Variants in STRIP2 observed in about 807,000 individuals in gnomAD.
The protein encoded by STRIP2 is striatin interacting protein 2.
Under a neutral mutation model 107.1 loss-of-function variants are expected in STRIP2, and 84 were observed. The ratio of observed to expected loss-of-function variants is 0.78; its 90% CI spans 0.66 to 0.94. The LOEUF (loss-of-function observed/expected upper bound fraction) is 0.94, where lower values mean the gene tolerates loss of function less well. Ranked by LOEUF, STRIP2 falls within the 40% of genes least tolerant of loss-of-function variation. STRIP2 has a pLI of 0.00. For synonymous variants in STRIP2, 394 were observed against 400.4 expected (o/e 0.98, Z 0.19); for missense variants, 888 against 1,034.2 (o/e 0.86, Z 1.94).
intron 3 of STRIP2, among the ~76,000 whole-genome samples, chr7:129,446,563 G>T (rs1314405845): frequency 6.6e-6 from 1 of 152,172 alleles, no homozygotes; most frequent in Non-Finnish European, 1.5e-5. Context: ...CCTAGAAAGG[G>T]GCTGTAGTGC....
intron 15 of STRIP2, 91 bp from the exon 16 acceptor site, chr7:129,464,521 G>T: frequency 1.4e-6 from 2 of 1,420,126 alleles, no homozygotes; most frequent in Non-Finnish European, 1.9e-6. Flanking sequence ...TGGCTCTCTT[G>T]TGTATATTGT....
chr7:129,442,718 T>C (rs760162033), intron 2 of STRIP2, among the ~76,000 whole-genome samples: 2 of 152,226 alleles, frequency 1.3e-5, no homozygotes, highest in African/African-American at 2.4e-5. Flanking sequence ...GATTCAGTGA[T>C]GGGATTTGCT....
chr7:129,450,971 C>T (rs1798173271), intron 3 of STRIP2, among the ~76,000 whole-genome samples: 1 of 123,616 alleles, frequency 8.1e-6, no homozygotes, highest in South Asian at 2.7e-4. Flanking sequence ...GAGTCTCGCT[C>T]TGTCGCCCAG....
intron 3 of STRIP2, among the ~76,000 whole-genome samples, chr7:129,448,933 C>A (rs1798109118): frequency 6.6e-6 from 1 of 152,174 alleles, no homozygotes; most frequent in African/African-American, 2.4e-5. Context: ...ATCTGCTGGA[C>A]CCTCCCAGCT....
At chr7:129,469,949 T>A (rs1334188078) in intron 17 of STRIP2, among the ~76,000 whole-genome samples, 10 of 152,194 alleles carry the variant, frequency 6.6e-5, no homozygotes, top group Admixed American at 6.5e-4. Flanking sequence ...ATTGTGTCAG[T>A]GAAGAAGGGA....
At position 129,462,981 on chromosome 7, in the gene STRIP2, C is replaced by A. The variant is rs757578630; in HGVS notation, c.1492C>A (p.Pro498Thr). ...CPMSLGEEVV[P>T]ETPCEILYQG... ...CTTGCCATAGGGGGAAGAGGTGGTACCAGAGACGCCATGTGAAATCCTCTA... is the reference window on the plus strand; with the variant it reads ...CTTGCCATAGGGGGAAGAGGTGGTAACAGAGACGCCATGTGAAATCCTCTA... The change falls in exon 14 of 21, where the codon CCA becomes ACA. Residue 498 changes from proline (P) to threonine (T), a missense_variant. Physicochemically the swap from Pro to Thr is conservative, Grantham distance 38. Coordinates refer to ENST00000249344, the MANE Select transcript of STRIP2 (RefSeq NM_020704.3). 46 of 1,613,812 alleles carry A rather than the reference C, an allele frequency of 2.9e-5. No individual in the cohort carries two copies. Among genetic ancestry groups the A allele is most frequent in the Non-Finnish European group, 3.7e-5 (44 of 1,179,880 alleles).
chr7:129,463,238 T>C (rs1798589165), intron 14 of STRIP2, among the ~76,000 whole-genome samples, 198 bp downstream of exon 14: 1 of 152,258 alleles, frequency 6.6e-6, no homozygotes, highest in African/African-American at 2.4e-5. Context: ...TAGTCCTTCT[T>C]TGGGAAGGGT....
chr7:129,458,599 T>C lies in STRIP2; in HGVS notation c.1275-113T>C. Reference sequence around the variant, plus strand: ...AAATTCCTTCTGTTGATTGCTGCCTTTTTCCACTGCTCCAGTCCTCTGATT... The same window carrying C: ...AAATTCCTTCTGTTGATTGCTGCCTCTTTCCACTGCTCCAGTCCTCTGATT... On this transcript the variant is annotated intron_variant, in intron 10 of 20. Transcript: ENST00000249344. The surrounding 1 kb of genome is among the most constrained non-coding windows in gnomAD (Gnocchi z 4.6). 7.4e-7 allele frequency: 1 copy of C among 1,343,652 alleles called. No individual in the cohort carries two copies. Among genetic ancestry groups the C allele is most frequent in the Non-Finnish European group, 1.0e-6 (1 of 958,426 alleles). 83.2% of individuals were successfully genotyped at this position (1,343,652 alleles called of 1,614,324 possible).
intron 15 of STRIP2, among the ~76,000 whole-genome samples, 161 bp from the exon 16 acceptor site, chr7:129,464,451 G>A (rs1798621600): frequency 6.6e-6 from 1 of 152,012 alleles, no homozygotes. Flanking sequence ...TCTTCAGATA[G>A]GCTCATAAGT....
intron 18 of STRIP2, among the ~76,000 whole-genome samples, chr7:129,474,623 C>T (rs1798871559): frequency 6.6e-6 from 1 of 152,154 alleles, no homozygotes; most frequent in African/African-American, 2.4e-5. Flanking sequence ...GATTCTCCTG[C>T]CTCAACCTCC....
At chr7:129,436,302 G>A (rs1645248655) in intron 1 of STRIP2, among the ~76,000 whole-genome samples, 1 of 152,144 alleles carries the variant, frequency 6.6e-6, no homozygotes, top group Admixed American at 6.5e-5. Flanking sequence ...TATGTTCTAT[G>A]GGGGGAATAA....
chr7:129,443,342 G>A (rs575011001), intron 2 of STRIP2, among the ~76,000 whole-genome samples: 83 of 152,148 alleles, frequency 5.5e-4, no homozygotes, highest in Admixed American at 1.3e-3. Flanking sequence ...GCCATCACAC[G>A]TGGCTGGCAT....
chr7:129,439,229 CTTCTA>C (rs1469465702), intron 1 of STRIP2, among the ~76,000 whole-genome samples: 1 of 152,140 alleles, frequency 6.6e-6, no homozygotes, highest in African/African-American at 2.4e-5. Flanking sequence ...CACTCAGGAA[CTTCTA>C]AGAGTTTCAG....
At chr7:129,470,546 G>T (rs1365666549) in intron 17 of STRIP2, 103 bp from the exon 18 acceptor site, 2 of 953,466 alleles carry the variant, frequency 2.1e-6, no homozygotes, top group Non-Finnish European at 1.7e-6. Flanking sequence ...TTGGGAAATG[G>T]ATAGGGGCTG....
intron 18 of STRIP2, among the ~76,000 whole-genome samples, chr7:129,477,193 A>AGGGGG (rs1562917326): frequency 4.2e-5 from 1 of 23,532 alleles, no homozygotes; most frequent in Non-Finnish European, 7.5e-5. Flanking sequence ...CCGTGGGGAG[A>AGGGGG]GGGAGGGGGA....
At chr7:129,442,799 AT>A (rs1359341066) in intron 2 of STRIP2, among the ~76,000 whole-genome samples, 1 of 152,222 alleles carries the variant, frequency 6.6e-6, no homozygotes, top group Non-Finnish European at 1.5e-5. Flanking sequence ...TTTCTCAACC[AT>A]TAGACAGCTG....
chr7:129,482,203 A>T (rs1411255683), intron 19 of STRIP2, among the ~76,000 whole-genome samples: 1 of 152,042 alleles, frequency 6.6e-6, no homozygotes, highest in Non-Finnish European at 1.5e-5. Context: ...ACATAGAATT[A>T]TCTCCAGAAA....
In STRIP2 at chr7:129,477,758, C is replaced by A. The variant is rs1584970377; in HGVS notation, c.1945-3027C>A. 1.3e-5 allele frequency: 3 copies of A among 223,466 alleles called. No homozygotes were observed. The East Asian group carries it at 4.2e-4, about 31-fold the overall frequency. The allele number at this position is 223,466 out of a possible 1,614,324, so 13.8% of individuals were successfully genotyped here. On this transcript the variant is annotated intron_variant, in intron 18 of 20. Coordinates refer to ENST00000249344, the MANE Select transcript of STRIP2 (RefSeq NM_020704.3). ...ATCTAAAATAGAAAAAACATGCCAA[C>A]AATTGATTGGCTAATGAGGTGGGTG...
chr7:129,453,360 A>G lies in STRIP2; in HGVS notation c.530+13A>G. ...ACATGGAAATTGAGTGAGAAGCCTT[A>G]GGGGAAGGGCTGGCCTACATAACCC... On this transcript the variant is annotated intron_variant, in intron 5 of 20. Coordinates refer to ENST00000249344, the MANE Select transcript of STRIP2 (RefSeq NM_020704.3). 1.2e-6 allele frequency: 2 copies of G among 1,613,974 alleles called. No homozygotes were observed. Among genetic ancestry groups the G allele is most frequent in the South Asian group, 2.2e-5 (2 of 91,062 alleles).
Sources: gnomAD v4.1 joint callset for allele counts (sites outside exome capture counted in the v4.1 genomes callset) on GRCh38, gnomAD v4.1.1 for gene constraint, Gnocchi (gnomAD v3.1) non-coding constraint, MANE v1.5 for transcripts, NCBI Gene and HGNC (gene_info 2026-07-23, HGNC 2026-07-21) for gene names.